The following ARHGAP35 variants were observed in gnomAD, a reference collection of about 807,000 sequenced individuals.
ARHGAP35 encodes Rho GTPase activating protein 35, also known as rho GTPase-activating protein 35.
Under a neutral mutation model 111.1 loss-of-function variants are expected in ARHGAP35, and 15 were observed. That is an observed-to-expected ratio of 0.13 (90% CI 0.09 to 0.21). The LOEUF is 0.21. Among genes scored for constraint, ARHGAP35 ranks in the 10% least tolerant of loss-of-function variants. ARHGAP35 has a pLI of 1.00. For missense variants in ARHGAP35, 1,262 were observed against 1,873.0 expected, an observed-to-expected ratio of 0.67 and a Z score of 6.02; for synonymous variants, 643 against 710.3, an observed-to-expected ratio of 0.91 and a Z score of 1.51.
At chr19:46,982,914 G>C (rs1029585365) in intron 3 of ARHGAP35, among the ~76,000 whole-genome samples, 9 of 151,762 alleles carry the variant, frequency 5.9e-5, no homozygotes, top group African/African-American at 2.2e-4. Context: ...GCCAGGTGTG[G>C]TGGTGCACAC....
intron 3 of ARHGAP35, among the ~76,000 whole-genome samples, chr19:46,944,368 C>A (rs1303775776): frequency 6.6e-6 from 1 of 151,564 alleles, no homozygotes; most frequent in Admixed American, 6.6e-5. Context: ...ATATGTAGGA[C>A]AGAAAGTAAA....
chr19:46,981,310 G>A (rs995670916), intron 3 of ARHGAP35, among the ~76,000 whole-genome samples: 1 of 152,236 alleles, frequency 6.6e-6, no homozygotes, highest in Non-Finnish European at 1.5e-5. Context: ...GTTAAGTCCT[G>A]CCTGGCATGG....
rs930200944 is a variant in ARHGAP35, at chr19:47,000,287, G to T, written c.4143-44G>T. 4 of 1,577,860 alleles carry T rather than the reference G, an allele frequency of 2.5e-6. No homozygotes were observed. The African/African-American group carries it at 4.1e-5, about 16-fold the overall frequency. ...GACCATGAGCGCCCAGGGCCAGGTGGGGCCCTGCACAGTTCTGACCATTGA... is the reference window on the plus strand; with the variant it reads ...GACCATGAGCGCCCAGGGCCAGGTGTGGCCCTGCACAGTTCTGACCATTGA... On this transcript the variant is annotated intron_variant, in intron 6 of 6. Coordinates refer to ENST00000672722, the MANE Select transcript of ARHGAP35 (RefSeq NM_004491.5). The surrounding 1 kb of genome is among the most constrained non-coding windows in gnomAD (Gnocchi z 6.9).
In ARHGAP35 at chr19:46,922,049, C is replaced by T. The variant is rs769849650; in HGVS notation, c.3374C>T (p.Ala1125Val). ...ATCACCATTCGGAATATCAACAAAGCCCAGTCCAACGGCAGCGGGAATGGT... is the reference window on the plus strand; with the variant it reads ...ATCACCATTCGGAATATCAACAAAGTCCAGTCCAACGGCAGCGGGAATGGT... ...KIITIRNINK[A>V]QSNGSGNGSD... Residue 1125 changes from alanine to valine, a missense_variant, in exon 2 of 7, where the codon GCC becomes GTC. Ala to Val is a moderately conservative substitution (Grantham distance 64). Transcript: ENST00000672722. The surrounding 1 kb of genome is among the most constrained non-coding windows in gnomAD (Gnocchi z 4.0). The T allele has an allele frequency of 1.2e-6, 2 of 1,613,906 alleles. No homozygotes were observed. Among genetic ancestry groups the T allele is most frequent in the Non-Finnish European group, 1.7e-6 (2 of 1,179,900 alleles).
intron 1 of ARHGAP35, among the ~76,000 whole-genome samples, chr19:46,882,371 C>T (rs367764401): frequency 6.6e-6 from 1 of 152,132 alleles, no homozygotes; most frequent in Non-Finnish European, 1.5e-5. Flanking sequence ...TTCCTGGCCT[C>T]AAGCAGTTGT....
chr19:46,938,042 T>G (rs1182662295), intron 3 of ARHGAP35, among the ~76,000 whole-genome samples: 4 of 152,230 alleles, frequency 2.6e-5, no homozygotes, highest in Non-Finnish European at 4.4e-5. Context: ...ACCATTTGCT[T>G]TATTCATTTG....
chr19:46,975,793 G>A (rs188075438), intron 3 of ARHGAP35, among the ~76,000 whole-genome samples: 22 of 152,224 alleles, frequency 1.4e-4, no homozygotes, highest in Non-Finnish European at 2.9e-5. Context: ...AAACCTCCGT[G>A]TTTCCCTCCA....
chr19:46,901,674 C>T lies in ARHGAP35; in HGVS notation c.-188-16814C>T, dbSNP rs1357082859. On this transcript the variant is annotated intron_variant, in intron 1 of 6. Transcript: ENST00000672722. The surrounding 1 kb of genome is among the most constrained non-coding windows in gnomAD (Gnocchi z 4.5). ...TGGGGATCCAGGCGATCTAGATTCCCTGGCAGCAGATACGTTGGCTTTCTC... is the reference window on the plus strand; with the variant it reads ...TGGGGATCCAGGCGATCTAGATTCCTTGGCAGCAGATACGTTGGCTTTCTC... Among the ~76,000 whole-genome samples the T allele has an allele frequency of 6.6e-6, 1 of 152,178 alleles. No individual in the cohort carries two copies. The highest frequency in any genetic ancestry group is 2.4e-5 in the African/African-American group (1 of 41,438).
At chr19:46,897,467 C>T (rs900231269) in intron 1 of ARHGAP35, among the ~76,000 whole-genome samples, 1 of 149,000 alleles carries the variant, frequency 6.7e-6, no homozygotes, top group African/African-American at 2.5e-5. Flanking sequence ...TTTTTTACGA[C>T]CTCCAACACT....
At chr19:46,943,819 A>C (rs937376515) in intron 3 of ARHGAP35, among the ~76,000 whole-genome samples, 11 of 152,190 alleles carry the variant, frequency 7.2e-5, no homozygotes, top group Admixed American at 3.3e-4. Context: ...AGGATAGGAA[A>C]GAAATTTATG....
In ARHGAP35 at chr19:46,919,912, GAGC is replaced by G. The variant is rs751109129; in HGVS notation, c.1241_1243del (p.Gln414del). 6.2e-7 allele frequency: 1 copy of G among 1,614,024 alleles called. No homozygotes were observed. ...TGATTTAATGGATACCGTCCCTGCA[GAGC>G]AGCTATACGAGGCCCACTTAGAGAA... On this transcript the variant is annotated inframe_deletion, in exon 2 of 7. Coordinates refer to ENST00000672722, the MANE Select transcript of ARHGAP35 (RefSeq NM_004491.5). This position sits in a 1 kb window ranked among gnomAD's most constrained non-coding sequence, Gnocchi z 6.2.
rs747788218 is a variant in ARHGAP35 at position 46,999,449 on chromosome 19, A to T, written c.4142+40A>T. The stretch of plus-strand genomic sequence containing the variant: ...CTTCTGGTTGGTTTTTCCTCCTGAA[A>T]ATTGACAGCCAGGGTCAGTGTGTCG... On this transcript the variant is annotated intron_variant, in intron 6 of 6. Coordinates refer to ENST00000672722, the MANE Select transcript of ARHGAP35 (RefSeq NM_004491.5). The surrounding 1 kb of genome is among the most constrained non-coding windows in gnomAD (Gnocchi z 5.4). 6.9e-6 allele frequency: 9 copies of T among 1,305,876 alleles called. No individual in the cohort carries two copies. The South Asian group carries it at 7.6e-5, about 11-fold the overall frequency. 80.9% of individuals were successfully genotyped at this position (1,305,876 alleles called of 1,614,324 possible). A position where few individuals can be genotyped will look rare whatever the true frequency, so the allele number is the denominator to read the frequency against.
At chr19:46,870,084 C>A (rs959069286) in intron 1 of ARHGAP35, among the ~76,000 whole-genome samples, 1 of 151,136 alleles carries the variant, frequency 6.6e-6, no homozygotes, top group Non-Finnish European at 1.5e-5. Context: ...GTAGCTGGGA[C>A]TACAGGCGCC....
chr19:46,893,213 C>G (rs1309936538), intron 1 of ARHGAP35, among the ~76,000 whole-genome samples: 2 of 152,128 alleles, frequency 1.3e-5, no homozygotes, highest in Non-Finnish European at 2.9e-5. Context: ...GGGGGAGGAG[C>G]CTGCCCTGAG....
chr19:46,998,960 G>A (rs567205182), intron 5 of ARHGAP35: 23 of 245,948 alleles, frequency 9.4e-5, no homozygotes, highest in Middle Eastern at 2.6e-3. Context: ...GGCTTTCTGC[G>A]TAGGGATGCC....
chr19:46,984,270 T>A (rs923187190), intron 3 of ARHGAP35, among the ~76,000 whole-genome samples: 2 of 152,328 alleles, frequency 1.3e-5, no homozygotes, highest in Admixed American at 1.3e-4. Context: ...TTGGTAAGAA[T>A]TCTGCCTTCT....
intron 3 of ARHGAP35, among the ~76,000 whole-genome samples, chr19:46,953,894 C>T (rs142274832): frequency 6.6e-6 from 1 of 152,368 alleles, no homozygotes; most frequent in Admixed American, 6.5e-5. Context: ...TTGTTAAACA[C>T]TGTTCCTGCT....
chr19:46,889,830 G>A (rs2056015549), intron 1 of ARHGAP35, among the ~76,000 whole-genome samples: 1 of 151,732 alleles, frequency 6.6e-6, no homozygotes, highest in African/African-American at 2.4e-5. Flanking sequence ...CATTGCTTCA[G>A]CTTTCTTTAA....
chr19:46,908,802 A>G lies in ARHGAP35; in HGVS notation c.-188-9686A>G, dbSNP rs537882617. On this transcript the variant is annotated intron_variant, in intron 1 of 6. Coordinates refer to ENST00000672722, the MANE Select transcript of ARHGAP35 (RefSeq NM_004491.5). The surrounding 1 kb of genome is among the most constrained non-coding windows in gnomAD (Gnocchi z 4.2). ...AGCATGAGAACTGTGGCGGGGGAAA[A>G]ATGGGCTACTTGCTGTATTTAGTGT... Among the ~76,000 whole-genome samples the G allele has an allele frequency of 2.0e-5, 3 of 152,254 alleles. No individual in the cohort carries two copies. The highest frequency in any genetic ancestry group is 7.2e-5 in the African/African-American group (3 of 41,560).
Sources: allele counts gnomAD v4.1 joint callset (sites outside exome capture counted in the v4.1 genomes callset), GRCh38; gene constraint gnomAD v4.1.1; non-coding constraint Gnocchi (gnomAD v3.1); transcripts MANE v1.5; gene names NCBI Gene and HGNC (gene_info 2026-07-23, HGNC 2026-07-21).